SEMA3E: variants seen among roughly 807,000 people sequenced by gnomAD.
SEMA3E encodes semaphorin 3E, also known as semaphorin-3E.
A neutral mutation model predicts 93.6 loss-of-function variants in SEMA3E; 49 were observed. That is an observed-to-expected ratio of 0.52 (90% confidence interval 0.42 to 0.66). The LOEUF (loss-of-function observed/expected upper bound fraction) is 0.66, where lower values mean the gene tolerates loss of function less well. Ranked by LOEUF, SEMA3E falls within the 30% of genes least tolerant of loss-of-function variation. The pLI is 0.00. For missense variants in SEMA3E, 906 were observed against 964.8 expected (o/e 0.94, Z 0.81); for synonymous variants, 363 against 330.7 (o/e 1.10, Z -1.06).
chr7:83,546,059 A>G (rs1584322654), intron 1 of SEMA3E, among the ~76,000 whole-genome samples: 1 of 147,698 alleles, frequency 6.8e-6, no homozygotes, highest in East Asian at 1.9e-4. Context: ...ATATGTACAC[A>G]TATTATCCCA....
At chr7:83,618,712 C>A (rs1400389513) in intron 1 of SEMA3E, among the ~76,000 whole-genome samples, 5 of 151,846 alleles carry the variant, frequency 3.3e-5, no homozygotes, top group Non-Finnish European at 7.4e-5. Context: ...ATATAAAAGA[C>A]AGTTCAACTA....
chr7:83,458,985 A>ATATG (rs1227668570), intron 4 of SEMA3E, among the ~76,000 whole-genome samples: 3 of 147,386 alleles, frequency 2.0e-5, no homozygotes, highest in Non-Finnish European at 4.5e-5. Flanking sequence ...ATATATATAT[A>ATATG]TACACACACT....
chr7:83,577,391 G>A (rs1355735304), intron 1 of SEMA3E, among the ~76,000 whole-genome samples: 1 of 152,078 alleles, frequency 6.6e-6, no homozygotes, highest in Non-Finnish European at 1.5e-5. Context: ...TGAAAAATAG[G>A]ATGTAAGTAA....
chr7:83,381,972 C>A (rs1213878788), intron 16 of SEMA3E, among the ~76,000 whole-genome samples: 10 of 151,894 alleles, frequency 6.6e-5, no homozygotes, highest in African/African-American at 2.4e-4. Context: ...AGGAGTAATG[C>A]CTTTGTCATT....
chr7:83,465,570 G>A (rs943174202), intron 4 of SEMA3E, among the ~76,000 whole-genome samples: 2 of 152,234 alleles, frequency 1.3e-5, no homozygotes, highest in East Asian at 3.9e-4. Context: ...GTATGTGGTG[G>A]CTTAAAATAT....
At chr7:83,595,641 T>G (rs775650925) in intron 1 of SEMA3E, among the ~76,000 whole-genome samples, 35 of 152,080 alleles carry the variant, frequency 2.3e-4, no homozygotes, top group Non-Finnish European at 4.9e-4. Flanking sequence ...TTCATGATCT[T>G]GATACTTATA....
chr7:83,367,428 A>C lies in SEMA3E; in HGVS notation c.*158T>G. On this transcript the variant is annotated 3_prime_UTR_variant, in exon 17 of 17. Coordinates refer to ENST00000643230, the MANE Select transcript of SEMA3E (RefSeq NM_012431.3). ...ATTTTATGTAAAGTTTATCCAGTCAAATGAGTATGTAGAATAATTTATTAT... is the reference window on the plus strand; with the variant it reads ...ATTTTATGTAAAGTTTATCCAGTCACATGAGTATGTAGAATAATTTATTAT... 2 of 730,102 alleles carry C rather than the reference A, an allele frequency of 2.7e-6. No homozygotes were observed. The highest frequency in any genetic ancestry group is 5.3e-5 in the East Asian group (2 of 37,950). 45.2% of individuals were successfully genotyped at this position (730,102 alleles called of 1,614,324 possible). A position where few individuals can be genotyped will look rare whatever the true frequency, so the allele number is the denominator to read the frequency against.
intron 1 of SEMA3E, among the ~76,000 whole-genome samples, chr7:83,572,673 C>A (rs976197157): frequency 1.3e-5 from 2 of 151,448 alleles, no homozygotes; most frequent in African/African-American, 4.9e-5. Context: ...ACAAAAAAAA[C>A]AGATACATAG....
intron 11 of SEMA3E, among the ~76,000 whole-genome samples, chr7:83,397,088 A>G (rs973034501): frequency 2.6e-5 from 4 of 152,044 alleles, no homozygotes; most frequent in African/African-American, 9.7e-5. Context: ...TAAGAAAAAA[A>G]AAAAAAAGTA....
chr7:83,443,329 C>G (rs1789157403), intron 4 of SEMA3E, among the ~76,000 whole-genome samples: 1 of 152,124 alleles, frequency 6.6e-6, no homozygotes, highest in African/African-American at 2.4e-5. Context: ...TAGGTATCCA[C>G]TTCTGACAGA....
rs533286313 is a variant in SEMA3E at position 83,606,971 on chromosome 7, T to C, written c.115+41457A>G. ...TGTTATATGTAGGCTACTTAAAGTA[T>C]AATGTAGGGAATGACAAATATTCCT... On this transcript the variant is annotated intron_variant, in intron 1 of 16. Transcript: ENST00000643230. Among the ~76,000 whole-genome samples the C allele has an allele frequency of 4.3e-4, 66 of 152,300 alleles. 3 individuals carry two copies. The highest frequency in any genetic ancestry group is 3.6e-3 in the Admixed American group (55 of 15,296).
intron 1 of SEMA3E, among the ~76,000 whole-genome samples, chr7:83,553,247 G>C (rs2115808829): frequency 6.6e-6 from 1 of 152,184 alleles, no homozygotes; most frequent in South Asian, 2.1e-4. Context: ...TATTGGGGGT[G>C]GGTTCCCCCA....
At chr7:83,584,515 T>C (rs999370835) in intron 1 of SEMA3E, among the ~76,000 whole-genome samples, 5 of 152,194 alleles carry the variant, frequency 3.3e-5, no homozygotes, top group Non-Finnish European at 7.3e-5. Flanking sequence ...TCAGTCAGTT[T>C]GTATACTGGA....
chr7:83,427,950 CA>C (rs1159122476), intron 4 of SEMA3E, among the ~76,000 whole-genome samples: 1 of 152,184 alleles, frequency 6.6e-6, no homozygotes, highest in African/African-American at 2.4e-5. Context: ...AAGGCATTCC[CA>C]GCATTAACAT....
intron 1 of SEMA3E, among the ~76,000 whole-genome samples, chr7:83,584,647 TC>T (rs1238521781): frequency 6.6e-6 from 1 of 152,102 alleles, no homozygotes; most frequent in African/African-American, 2.4e-5. Context: ...CCCACTTTTC[TC>T]CTGCCAATGT....
At chr7:83,436,141 G>A (rs1458391731) in intron 4 of SEMA3E, among the ~76,000 whole-genome samples, 3 of 151,846 alleles carry the variant, frequency 2.0e-5, no homozygotes, top group African/African-American at 7.2e-5. Flanking sequence ...CTATTCAAAA[G>A]TTAGGCATTA....
chr7:83,556,124 T>C (rs1210316516), intron 1 of SEMA3E, among the ~76,000 whole-genome samples: 1 of 152,164 alleles, frequency 6.6e-6, no homozygotes, highest in African/African-American at 2.4e-5. Context: ...GTTATACGTT[T>C]TTATATGTTC....
rs540152755 is a variant in SEMA3E at position 83,494,027 on chromosome 7, T to C, written c.116-3753A>G. Among the ~76,000 whole-genome samples the C allele has an allele frequency of 3.3e-5, 5 of 152,076 alleles. No homozygotes were observed. In the East Asian group the frequency reaches 9.7e-4, roughly 29 times the overall value. On this transcript the variant is annotated intron_variant, in intron 1 of 16. Coordinates refer to ENST00000643230, the MANE Select transcript of SEMA3E (RefSeq NM_012431.3). ...TATATATTTACTCTTATTTATTCAA[T>C]ATTAACTCAATTTTTCTACTTTATT... is the stretch of plus-strand genomic sequence containing the variant.
At chr7:83,594,082 T>C (rs1792816960) in intron 1 of SEMA3E, among the ~76,000 whole-genome samples, 1 of 152,176 alleles carries the variant, frequency 6.6e-6, no homozygotes, top group African/African-American at 2.4e-5. Context: ...ATTGAGGCTG[T>C]TCCATATGGT....
Sources: allele counts gnomAD v4.1 joint callset (sites outside exome capture counted in the v4.1 genomes callset), GRCh38; gene constraint gnomAD v4.1.1; transcripts MANE v1.5; gene names NCBI Gene and HGNC (gene_info 2026-07-23, HGNC 2026-07-21).